The following ADAMTSL1 variants were observed in gnomAD, a reference collection of about 807,000 sequenced individuals.
ADAMTSL1 encodes ADAMTS like 1, also known as ADAMTS-like protein 1.
A neutral mutation model predicts 201.8 loss-of-function variants in ADAMTSL1; 126 were observed. The observed-to-expected ratio is 0.62, with a 90% CI of 0.54 to 0.72. ADAMTSL1 has a LOEUF of 0.72. Ranked by LOEUF, ADAMTSL1 falls within the 30% of genes least tolerant of loss-of-function variation. The pLI is 0.00. For synonymous variants in ADAMTSL1, 1,121 were observed against 903.4 expected, an observed-to-expected ratio of 1.24 and a Z score of -4.32; for missense variants, 2,679 against 2,277.8, an observed-to-expected ratio of 1.18 and a Z score of -3.59.
chr9:17,938,576 T>G (rs1418051694), intron 1 of ADAMTSL1, among the ~76,000 whole-genome samples: 3 of 152,142 alleles, frequency 2.0e-5, no homozygotes, highest in Admixed American at 1.3e-4. Context: ...TCCTGTGAAC[T>G]TTGACTTAAC....
intron 2 of ADAMTSL1, among the ~76,000 whole-genome samples, chr9:18,252,142 T>C (rs1042021431): frequency 2.0e-5 from 3 of 151,980 alleles, no homozygotes; most frequent in African/African-American, 7.2e-5. Flanking sequence ...AGGAGAAAAG[T>C]TTAGGAGAAA....
At chr9:18,035,952 G>A (rs1821177768) in intron 1 of ADAMTSL1, among the ~76,000 whole-genome samples, 1 of 152,076 alleles carries the variant, frequency 6.6e-6, no homozygotes, top group South Asian at 2.1e-4. Flanking sequence ...AAATAGATTT[G>A]GTCCTTACCC....
rs773374404 is a variant in ADAMTSL1 at position 18,617,842 on chromosome 9, CTG to C, written c.475-4398_475-4397del. ...TTAAAATATTGCAAAATAAGCAACA[CTG>C]TGCAGTGATTCTGGATGAGGATGAG... is the stretch of plus-strand genomic sequence containing the variant. On this transcript the variant is annotated intron_variant, in intron 4 of 28. Coordinates refer to ENST00000380548, the MANE Select transcript of ADAMTSL1 (RefSeq NM_001040272.6). 1.7e-3 allele frequency among the ~76,000 whole-genome samples: 254 copies of C among 152,292 alleles called. 1 individual carries two copies. Among genetic ancestry groups the C allele is most frequent in the Admixed American group, 2.7e-3 (42 of 15,292 alleles).
At chr9:17,940,728 GAAAA>G (rs201856497) in intron 1 of ADAMTSL1, among the ~76,000 whole-genome samples, 15 of 79,456 alleles carry the variant, frequency 1.9e-4, no homozygotes, top group Non-Finnish European at 3.5e-4. Flanking sequence ...AAAAAAAAAA[GAAAA>G]AAAAGAAAAA....
chr9:18,846,148 C>T (rs1826092726), intron 23 of ADAMTSL1, among the ~76,000 whole-genome samples: 1 of 152,088 alleles, frequency 6.6e-6, no homozygotes, highest in African/African-American at 2.4e-5. Flanking sequence ...TTTACTATAC[C>T]AGGCACTGTT....
chr9:18,558,538 C>T (rs1375556898), intron 3 of ADAMTSL1, among the ~76,000 whole-genome samples: 1 of 152,118 alleles, frequency 6.6e-6, no homozygotes, highest in African/African-American at 2.4e-5. Context: ...AATGGGATTG[C>T]TGGGTCAGAT....
intron 8 of ADAMTSL1, 137 bp from the exon 9 acceptor site, chr9:18,661,798 A>G (rs1421455681): frequency 3.3e-6 from 3 of 918,054 alleles, no homozygotes; most frequent in Non-Finnish European, 4.7e-6. Context: ...GAGCCTTCCA[A>G]TTATGTGTCT....
At chr9:18,007,624 C>T (rs537140834) in intron 1 of ADAMTSL1, among the ~76,000 whole-genome samples, 5 of 152,078 alleles carry the variant, frequency 3.3e-5, no homozygotes, top group African/African-American at 1.2e-4. Flanking sequence ...ATACCCTTAA[C>T]CCATGTAATC....
intron 2 of ADAMTSL1, 138 bp from the exon 3 acceptor site, chr9:18,533,109 A>T: frequency 1.8e-6 from 1 of 565,562 alleles, no homozygotes. Flanking sequence ...GATTTTTAAT[A>T]GTAAACCCTC....
intron 2 of ADAMTSL1, among the ~76,000 whole-genome samples, chr9:18,464,812 T>G (rs577549544): frequency 9.7e-4 from 147 of 152,278 alleles, no homozygotes; most frequent in Non-Finnish European, 1.5e-3. Flanking sequence ...ATCATTTACA[T>G]GGAGTGGGAA....
chr9:18,467,673 G>T (rs1821057993), intron 2 of ADAMTSL1, among the ~76,000 whole-genome samples: 1 of 152,132 alleles, frequency 6.6e-6, no homozygotes, highest in African/African-American at 2.4e-5. Flanking sequence ...AGCAAGGCAA[G>T]GATAGAAGGA....
At chr9:18,736,118 T>C (rs1818488818) in intron 15 of ADAMTSL1, among the ~76,000 whole-genome samples, 1 of 149,892 alleles carries the variant, frequency 6.7e-6, no homozygotes, top group African/African-American at 2.5e-5. Flanking sequence ...AAAACTAGAC[T>C]ATTTATCAAT....
chr9:18,315,518 T>A (rs1339784721), intron 2 of ADAMTSL1, among the ~76,000 whole-genome samples: 1 of 152,036 alleles, frequency 6.6e-6, no homozygotes, highest in Non-Finnish European at 1.5e-5. Flanking sequence ...CAGCAAGAAT[T>A]AGAGCGTGGC....
At chr9:17,982,729 C>G (rs1440559155) in intron 1 of ADAMTSL1, among the ~76,000 whole-genome samples, 1 of 152,148 alleles carries the variant, frequency 6.6e-6, no homozygotes, top group Non-Finnish European at 1.5e-5. Flanking sequence ...ATGTGTAACA[C>G]TGGGAGAGAA....
At chr9:18,531,597 C>G (rs1819450233) in intron 2 of ADAMTSL1, among the ~76,000 whole-genome samples, 1 of 152,104 alleles carries the variant, frequency 6.6e-6, no homozygotes, top group African/African-American at 2.4e-5. Context: ...TTAAGATAGT[C>G]TGTGTATAAT....
chr9:18,798,372 G>A (rs908175620), intron 20 of ADAMTSL1, among the ~76,000 whole-genome samples: 4 of 152,176 alleles, frequency 2.6e-5, no homozygotes, highest in African/African-American at 7.2e-5. Context: ...GGAAAGTGGT[G>A]CTAATAACAG....
chr9:18,887,256 T>C (rs2131538443), intron 23 of ADAMTSL1, among the ~76,000 whole-genome samples: 1 of 152,328 alleles, frequency 6.6e-6, no homozygotes, highest in Middle Eastern at 3.4e-3. Context: ...ATGTGTATAA[T>C]ATTGTACATG....
intron 1 of ADAMTSL1, among the ~76,000 whole-genome samples, chr9:18,098,310 G>A (rs1019287922): frequency 6.6e-6 from 1 of 151,884 alleles, no homozygotes; most frequent in Non-Finnish European, 1.5e-5. Context: ...TCCATATAAG[G>A]TTTATAATCA....
At chr9:18,648,975 C>A (rs1266487941) in intron 7 of ADAMTSL1, among the ~76,000 whole-genome samples, 83 of 152,314 alleles carry the variant, frequency 5.4e-4, no homozygotes, top group African/African-American at 1.9e-3. Flanking sequence ...TAATATCCTG[C>A]AGAGTGTTTT....
Sources: allele counts gnomAD v4.1 joint callset (sites outside exome capture counted in the v4.1 genomes callset), GRCh38; gene constraint gnomAD v4.1.1; transcripts MANE v1.5; gene names NCBI Gene and HGNC (gene_info 2026-07-23, HGNC 2026-07-21).